The following MDFIC2 variants were observed in gnomAD, a reference collection of about 807,000 sequenced individuals.
MDFIC2 encodes the protein MyoD family inhibitor domain containing 2.
At chr3:70,279,925 A>G (rs1433860390) in intron 2 of MDFIC2, among the ~76,000 whole-genome samples, 1 of 152,182 alleles carries the variant, frequency 6.6e-6, no homozygotes, top group Non-Finnish European at 1.5e-5. Context: ...ATATTGCTTG[A>G]GATCCTGTCT....
intron 2 of MDFIC2, among the ~76,000 whole-genome samples, chr3:70,235,097 T>C (rs1445321579): frequency 6.6e-6 from 1 of 152,180 alleles, no homozygotes; most frequent in Non-Finnish European, 1.5e-5. Context: ...TGTTCCTTTA[T>C]GTTTTTTTCC....
chr3:70,287,367 T>G (rs1374438009), intron 2 of MDFIC2, among the ~76,000 whole-genome samples: 1 of 150,490 alleles, frequency 6.6e-6, no homozygotes, highest in Non-Finnish European at 1.5e-5. Flanking sequence ...CATTTATTGA[T>G]TTGCATATAT....
intron 2 of MDFIC2, among the ~76,000 whole-genome samples, chr3:70,226,460 G>T (rs1250993910): frequency 6.6e-6 from 1 of 152,152 alleles, no homozygotes; most frequent in Non-Finnish European, 1.5e-5. Context: ...GTTCAAGGCT[G>T]GGCGCAGTGG....
chr3:70,252,699 A>T (rs560942850), intron 2 of MDFIC2, among the ~76,000 whole-genome samples: 120 of 152,210 alleles, frequency 7.9e-4, no homozygotes, highest in Admixed American at 5.3e-3. Context: ...TTATTTATTT[A>T]TTTTTTTAAA....
intron 2 of MDFIC2, among the ~76,000 whole-genome samples, chr3:70,228,159 T>A (rs929709181): frequency 5.9e-5 from 9 of 152,002 alleles, no homozygotes; most frequent in African/African-American, 2.2e-4. Flanking sequence ...GTCTTTACTG[T>A]CCTTAATTTT....
chr3:70,231,287 G>T (rs1701557638), intron 2 of MDFIC2, among the ~76,000 whole-genome samples: 1 of 152,154 alleles, frequency 6.6e-6, no homozygotes, highest in Non-Finnish European at 1.5e-5. Context: ...CGCTTAAGAC[G>T]ACGCTCCTGC....
chr3:70,217,169 A>G (rs920413055), intron 2 of MDFIC2, among the ~76,000 whole-genome samples: 1 of 152,138 alleles, frequency 6.6e-6, no homozygotes, highest in African/African-American at 2.4e-5. Flanking sequence ...ATATCCTAAA[A>G]GAGGACCTGG....
At chr3:70,205,549 GTTAT>G (rs1430114069) in intron 3 of MDFIC2, 3 of 151,862 alleles carry the variant, frequency 2.0e-5, no homozygotes, top group African/African-American at 7.3e-5. Flanking sequence ...TGCTTTATAC[GTTAT>G]TTTTTTTTGA....
At chr3:70,248,439 G>A (rs1701729404) in intron 2 of MDFIC2, among the ~76,000 whole-genome samples, 1 of 152,086 alleles carries the variant, frequency 6.6e-6, no homozygotes, top group South Asian at 2.1e-4. Flanking sequence ...GTTTGAACTG[G>A]AGTGTAGGGT....
intron 2 of MDFIC2, chr3:70,283,638 G>A (rs2049223): frequency 0.34 from 51,594 of 151,672 alleles, 9,439 homozygotes; most frequent in East Asian, 0.71. Flanking sequence ...AGGGATTCAT[G>A]CTGGGGTCAG....
rs960416428 is a variant in MDFIC2 at position 70,282,588 on chromosome 3, C to T, written c.88+29298G>A. 5.9e-5 allele frequency among the ~76,000 whole-genome samples: 9 copies of T among 152,266 alleles called. No homozygotes were observed. In the South Asian group the frequency reaches 1.9e-3, roughly 32 times the overall value. On this transcript the variant is annotated intron_variant, in intron 2 of 3. Transcript: ENST00000567252. ...AGTCTCCTGAATCAGGAACTTTGCA[C>T]TTGCTATTTTCTATGCTGGAAATCC...
Position 70,208,203 on chromosome 3 carries a change from C to A in MDFIC2, c.89-1413G>T, listed in dbSNP as rs17006840. Among the ~76,000 whole-genome samples the A allele has an allele frequency of 2.7e-3, 404 of 152,150 alleles. 1 individual carries two copies. Among genetic ancestry groups the A allele is most frequent in the Non-Finnish European group, 4.7e-3 (319 of 67,972 alleles). ...TCGTGGTTTGGTGGCACAACTGGGA[C>A]GTGGTCAAGAGGTGTCCTTGGGAAT... On this transcript the variant is annotated intron_variant, in intron 2 of 3. Transcript: ENST00000567252.
chr3:70,221,862 G>T (rs889331010), intron 2 of MDFIC2, among the ~76,000 whole-genome samples: 2 of 152,096 alleles, frequency 1.3e-5, no homozygotes, highest in Non-Finnish European at 2.9e-5. Context: ...AGGTTTTGTC[G>T]TTACTTTCAA....
intron 2 of MDFIC2, among the ~76,000 whole-genome samples, chr3:70,311,564 G>C (rs1702453342): frequency 6.6e-6 from 1 of 151,942 alleles, no homozygotes; most frequent in Non-Finnish European, 1.5e-5. Flanking sequence ...AGTCTTCTTG[G>C]CTATAAAGGA....
At chr3:70,289,706 C>A (rs1228258362) in intron 2 of MDFIC2, among the ~76,000 whole-genome samples, 3 of 152,056 alleles carry the variant, frequency 2.0e-5, no homozygotes, top group African/African-American at 4.8e-5. Flanking sequence ...CCAATCAGAC[C>A]TAGATTTGGT....
At chr3:70,295,315 C>A (rs1702278818) in intron 2 of MDFIC2, among the ~76,000 whole-genome samples, 1 of 152,064 alleles carries the variant, frequency 6.6e-6, no homozygotes, top group Non-Finnish European at 1.5e-5. Flanking sequence ...AGCAATTGAC[C>A]AAGATTAACA....
chr3:70,289,587 C>T (rs559126332), intron 2 of MDFIC2, among the ~76,000 whole-genome samples: 2 of 148,852 alleles, frequency 1.3e-5, no homozygotes, highest in Non-Finnish European at 3.0e-5. Context: ...TCTGTATTTC[C>T]TGAATCTGAA....
At chr3:70,240,069 T>G (rs967817698) in intron 2 of MDFIC2, among the ~76,000 whole-genome samples, 2 of 152,136 alleles carry the variant, frequency 1.3e-5, no homozygotes, top group Non-Finnish European at 2.9e-5. Context: ...AATACATCAG[T>G]ATGGATTTTA....
At chr3:70,203,131 T>TGATC (rs1559534066) in intron 3 of MDFIC2, among the ~76,000 whole-genome samples, 4 of 152,054 alleles carry the variant, frequency 2.6e-5, no homozygotes. Context: ...CTCCCAGAAG[T>TGATC]GATCCCAGAC....
Sources: gnomAD v4.1 joint callset for allele counts (sites outside exome capture counted in the v4.1 genomes callset) on GRCh38, gnomAD v4.1.1 for gene constraint, MANE v1.5 for transcripts, NCBI Gene and HGNC (gene_info 2026-07-23, HGNC 2026-07-21) for gene names.